The following SLC25A27 variants were observed in gnomAD, a reference collection of about 807,000 sequenced individuals.
SLC25A27 encodes mitochondrial uncoupling protein 4.
In SLC25A27, 35 loss-of-function variants were observed where a neutral mutation model predicts 49.1. The observed-to-expected ratio is 0.71, with a 90% CI of 0.54 to 0.95. The LOEUF (loss-of-function observed/expected upper bound fraction) is 0.95. Ranked by LOEUF, SLC25A27 falls within the 40% of genes least tolerant of loss-of-function variation. The pLI, the probability that SLC25A27 is intolerant of heterozygous loss-of-function variation, is 0.00. For synonymous variants in SLC25A27, 144 were observed against 136.9 expected, an observed-to-expected ratio of 1.05 and a Z score of -0.36; for missense variants, 339 against 397.1, an observed-to-expected ratio of 0.85 and a Z score of 1.24.
intron 5 of SLC25A27, among the ~76,000 whole-genome samples, chr6:46,665,503 G>T (rs1384535311): frequency 6.6e-6 from 1 of 152,068 alleles, no homozygotes; most frequent in African/African-American, 2.4e-5. Context: ...GGCTAACATG[G>T]TGAAACCCCG....
intron 7 of SLC25A27, 126 bp downstream of exon 7, chr6:46,670,353 A>ATT: frequency 1.5e-6 from 1 of 657,016 alleles, no homozygotes. Context: ...AATTGAGCGC[A>ATT]TTTTTTTTAT....
chr6:46,662,021 G>A (rs781518190), intron 3 of SLC25A27, among the ~76,000 whole-genome samples: 7 of 152,108 alleles, frequency 4.6e-5, no homozygotes, highest in African/African-American at 1.4e-4. Flanking sequence ...AAAGTTGACC[G>A]GAGTCTAGCC....
chr6:46,658,734 A>T (rs1763068729), intron 2 of SLC25A27: 2 of 542,340 alleles, frequency 3.7e-6, no homozygotes, highest in Non-Finnish European at 6.6e-6. Flanking sequence ...GGGAGAATTC[A>T]TTCTAGAAAG....
intron 6 of SLC25A27, 26 bp downstream of exon 6, chr6:46,668,819 G>GTTTTT: frequency 1.9e-6 from 2 of 1,048,904 alleles, no homozygotes; most frequent in Non-Finnish European, 1.4e-6. Flanking sequence ...GTTGGACTCT[G>GTTTTT]TTTTTTTTTT....
intron 3 of SLC25A27, among the ~76,000 whole-genome samples, chr6:46,661,173 TATG>T (rs1239485745): frequency 2.0e-5 from 3 of 151,956 alleles, no homozygotes; most frequent in South Asian, 4.2e-4. Context: ...AGAGAAAAAA[TATG>T]ATAATGTATG....
chr6:46,658,816 C>T (rs762047752), intron 2 of SLC25A27, 146 bp from the exon 3 acceptor site: 24 of 670,640 alleles, frequency 3.6e-5, no homozygotes, highest in Admixed American at 4.7e-5. Context: ...AAGAAGCCCA[C>T]GTGTTAGAAG....
chr6:46,654,021 A>C, intron 1 of SLC25A27: 1 of 757,644 alleles, frequency 1.3e-6, no homozygotes, highest in Non-Finnish European at 1.6e-6. Flanking sequence ...AGGTGTCATA[A>C]AAGCATAGAA....
At position 46,668,770 on chromosome 6, in the gene SLC25A27, T is replaced by C. The variant is rs1192169923; in HGVS notation, c.681T>C (p.Asn227=). The C allele has an allele frequency of 6.2e-7, 1 of 1,605,210 alleles. No individual in the cohort carries two copies. Among genetic ancestry groups the C allele is most frequent in the South Asian group, 1.1e-5 (1 of 90,792 alleles). ...TATTGAATACACCACTTGAGGACAA[T>C]ATCATGACTCACGGTTTATCAAGGT... ...YLVLNTPLED[N]IMTHGLSSLC... Residue 227 remains asparagine (N), a synonymous_variant, in exon 6 of 9, where the codon AAT becomes AAC. Coordinates refer to ENST00000371347, the MANE Select transcript of SLC25A27 (RefSeq NM_004277.5).
intron 6 of SLC25A27, among the ~76,000 whole-genome samples, chr6:46,669,716 C>T (rs945738171): frequency 6.6e-6 from 1 of 152,164 alleles, no homozygotes; most frequent in Admixed American, 6.5e-5. Flanking sequence ...TCCTTTGTAA[C>T]CACTCAATTC....
At chr6:46,660,997 T>C (rs748760384) in intron 3 of SLC25A27, among the ~76,000 whole-genome samples, 3 of 152,196 alleles carry the variant, frequency 2.0e-5, no homozygotes, top group Admixed American at 6.5e-5. Context: ...TAGGTATTTA[T>C]TGGGTAATTA....
At chr6:46,653,631 G>C (rs989717573) in intron 1 of SLC25A27, 2 of 985,236 alleles carry the variant, frequency 2.0e-6, no homozygotes, top group African/African-American at 1.7e-5. Flanking sequence ...AACGTAATCT[G>C]TTTTCCATCC....
At position 46,653,259 on chromosome 6, in the gene SLC25A27, T is replaced by G; in HGVS notation, c.67T>G (p.Phe23Val). The G allele has an allele frequency of 6.2e-7, 1 of 1,613,576 alleles. No individual in the cohort carries two copies. The highest frequency in any genetic ancestry group is 8.5e-7 in the Non-Finnish European group (1 of 1,179,706). Residue 23 changes from phenylalanine (F) to valine (V), a missense_variant, in exon 1 of 9, where the codon TTC becomes GTC. Phe to Val is a conservative substitution (Grantham distance 50). Transcript: ENST00000371347. ...LTQRWPRASK[F>V]LLSGCAATVA... is the part of the protein sequence containing the mutation. ...CCAGAGATGGCCCCGAGCGAGCAAATTCCTACTGTCCGGCTGCGCGGCTAC... is the reference window on the plus strand; with the variant it reads ...CCAGAGATGGCCCCGAGCGAGCAAAGTCCTACTGTCCGGCTGCGCGGCTAC...
chr6:46,661,248 ATGTGCTCATCAT>A (rs1763152993), intron 3 of SLC25A27, among the ~76,000 whole-genome samples: 1 of 152,174 alleles, frequency 6.6e-6, no homozygotes, highest in Admixed American at 6.5e-5. Flanking sequence ...ATGATAATGT[ATGTGCTCATCAT>A]TGTGTGGAGA....
At position 46,676,441 on chromosome 6, in the gene SLC25A27, T is replaced by C; in HGVS notation, c.959T>C (p.Val320Ala). 1 of 1,613,750 alleles carries C rather than the reference T, an allele frequency of 6.2e-7. No homozygotes were observed. Reference sequence around the variant, plus strand: ...GAAAAAATCAGAGAGATGAGTGGAGTCAGTCCATTTTAAACCCCTAAAGAT... The same window carrying C: ...GAAAAAATCAGAGAGATGAGTGGAGCCAGTCCATTTTAAACCCCTAAAGAT... Reference protein sequence around the residue: ...TYEKIREMSGVSPF With the variant: ...TYEKIREMSGASPF Residue 320 changes from valine to alanine, a missense_variant, in exon 9 of 9, where the codon GTC becomes GCC. Transcript: ENST00000371347.
chr6:46,657,327 G>A (rs1329667960), intron 2 of SLC25A27, among the ~76,000 whole-genome samples: 2 of 152,098 alleles, frequency 1.3e-5, no homozygotes, highest in African/African-American at 2.4e-5. Context: ...GCCGGGCCTA[G>A]TGGCGCATTC....
At position 46,653,205 on chromosome 6, in the gene SLC25A27, G is replaced by A; in HGVS notation, c.13G>A (p.Glu5Lys). 2 of 1,610,884 alleles carry A rather than the reference G, an allele frequency of 1.2e-6. No homozygotes were observed. Among genetic ancestry groups the A allele is most frequent in the Non-Finnish European group, 1.7e-6 (2 of 1,177,488 alleles). MSVP[E>K]EEERLLPLTQ... ...GCGCTACTGCTGAATGTCCGTCCCG[G>A]AGGAGGAGGAGAGGCTTTTGCCGCT... The change falls in exon 1 of 9, where the codon GAG becomes AAG. Residue 5 changes from glutamate (E) to lysine (K), a missense_variant. Transcript: ENST00000371347.
chr6:46,655,834 T>A lies in SLC25A27; in HGVS notation c.107-9T>A. ...TGTGGGTTTTTCCCTGCATTTGTGT[T>A]TTTGTTAGCAACCTTTCCCCTGGAT... is the stretch of plus-strand genomic sequence containing the variant. On this transcript the variant is annotated splice_polypyrimidine_tract_variant and intron_variant, in intron 1 of 8. Transcript: ENST00000371347. 1.9e-6 allele frequency: 3 copies of A among 1,610,674 alleles called. No individual in the cohort carries two copies. The highest frequency in any genetic ancestry group is 2.5e-6 in the Non-Finnish European group (3 of 1,178,964).
intron 8 of SLC25A27, among the ~76,000 whole-genome samples, chr6:46,671,852 AC>A (rs1225257959): frequency 6.6e-6 from 1 of 151,988 alleles, no homozygotes; most frequent in African/African-American, 2.4e-5. Flanking sequence ...TATAATAAAA[AC>A]AAAGTGCTGA....
intron 2 of SLC25A27, among the ~76,000 whole-genome samples, chr6:46,658,174 G>A (rs145211111): frequency 3.9e-4 from 60 of 152,218 alleles, no homozygotes; most frequent in South Asian, 1.2e-3. Flanking sequence ...GTAAGTTAGC[G>A]TGTATCATCA....
Sources: gnomAD v4.1 joint callset for allele counts (sites outside exome capture counted in the v4.1 genomes callset) on GRCh38, gnomAD v4.1.1 for gene constraint, MANE v1.5 for transcripts, NCBI Gene and HGNC (gene_info 2026-07-23, HGNC 2026-07-21) for gene names.